TMEM63A: variants seen among roughly 807,000 people sequenced by gnomAD.
The protein encoded by TMEM63A is mechanosensitive cation channel TMEM63A.
TMEM63A carries 76 observed loss-of-function variants against 100.6 expected under a neutral mutation model. That is an observed-to-expected ratio of 0.76 (90% CI 0.63 to 0.91). The LOEUF (loss-of-function observed/expected upper bound fraction) is 0.91, where lower values mean the gene tolerates loss of function less well. TMEM63A is among the 40% of genes least tolerant of loss of function. The pLI is 0.00. For synonymous variants in TMEM63A, 401 were observed against 401.1 expected (o/e 1.00, Z 0.00); for missense variants, 876 against 1,008.8 (o/e 0.87, Z 1.78).
Position 225,856,900 on chromosome 1 carries a change from C to G in TMEM63A, c.1484+11G>C. On this transcript the variant is annotated intron_variant, in intron 16 of 24. Transcript: ENST00000366835. ...CTTAGGGGCAGGGCCTCGGGGCTCC[C>G]GGGCACTCACTTGGTCCAGTGAGAC... The G allele has an allele frequency of 6.2e-7, 1 of 1,608,892 alleles. No individual in the cohort carries two copies. Among genetic ancestry groups the G allele is most frequent in the Non-Finnish European group, 8.5e-7 (1 of 1,178,016 alleles).
At position 225,853,860 on chromosome 1, in the gene TMEM63A, C is replaced by G. The variant is rs186438755; in HGVS notation, c.1635-69G>C. On this transcript the variant is annotated intron_variant, in intron 18 of 24. Coordinates refer to ENST00000366835, the MANE Select transcript of TMEM63A (RefSeq NM_014698.3). The surrounding 1 kb of genome is among the most constrained non-coding windows in gnomAD (Gnocchi z 4.0). ...TGGAGGGAGAGGAGGGGCCCCTAGGCTGGGCAGGAGCAGAAAGCCCCTGGG... is the reference window on the plus strand; with the variant it reads ...TGGAGGGAGAGGAGGGGCCCCTAGGGTGGGCAGGAGCAGAAAGCCCCTGGG... The G allele has an allele frequency of 6.8e-7, 1 of 1,462,792 alleles. No homozygotes were observed. Among genetic ancestry groups the G allele is most frequent in the Non-Finnish European group, 9.1e-7 (1 of 1,102,198 alleles). The allele number at this position is 1,462,792 out of a possible 1,614,324, so 90.6% of individuals were successfully genotyped here.
At chr1:225,844,722 A>G, downstream of TMEM63A, 1 of 1,556,042 alleles carries the variant, frequency 6.4e-7, no homozygotes, top group South Asian at 1.2e-5. Context: ...TGGGATAAGT[A>G]TAGCCTTGCC....
chr1:225,876,699 AG>A (rs150719052), intron 3 of TMEM63A, among the ~76,000 whole-genome samples: 2,352 of 150,830 alleles, frequency 0.016, 60 homozygotes, highest in African/African-American at 0.054. Context: ...CACAGGCTGG[AG>A]TGCAGTGGCG....
chr1:225,863,342 C>T (rs1670038760), intron 10 of TMEM63A, among the ~76,000 whole-genome samples: 1 of 152,168 alleles, frequency 6.6e-6, no homozygotes, highest in South Asian at 2.1e-4. Context: ...TCACTGCACC[C>T]CGCTAGCCTT....
intron 21 of TMEM63A, 54 bp downstream of exon 21, chr1:225,849,858 G>C: frequency 6.3e-7 from 1 of 1,588,588 alleles, no homozygotes; most frequent in Non-Finnish European, 8.6e-7. Flanking sequence ...CTGGCTGGTG[G>C]GGATGCAGGG....
At chr1:225,870,444 GC>G (rs3841810) in intron 6 of TMEM63A, among the ~76,000 whole-genome samples, 137,541 of 150,278 alleles carry the variant, frequency 0.92, 62,888 homozygotes, top group African/African-American at 0.94. Context: ...ATCAGTCCCC[GC>G]CCCCCCCCGC....
intron 18 of TMEM63A, among the ~76,000 whole-genome samples, chr1:225,854,304 A>G (rs1160303494): frequency 1.3e-5 from 2 of 152,214 alleles, no homozygotes; most frequent in African/African-American, 4.8e-5. Context: ...GACAAGGCTG[A>G]AAGGGGCTGG....
At chr1:225,868,599 T>G (rs1196872486) in intron 6 of TMEM63A, among the ~76,000 whole-genome samples, 1 of 151,798 alleles carries the variant, frequency 6.6e-6, no homozygotes, top group Non-Finnish European at 1.5e-5. Context: ...GGCAGGAGAA[T>G]TGCTTGAACC....
chr1:225,861,500 A>G (rs1410976753), intron 13 of TMEM63A: 1 of 153,362 alleles, frequency 6.5e-6, no homozygotes, highest in Admixed American at 6.5e-5. Flanking sequence ...GGAGCCCAGC[A>G]GCCCCTCTAC....
chr1:225,869,412 TTGAC>T (rs1175344660), intron 6 of TMEM63A, among the ~76,000 whole-genome samples: 2 of 152,186 alleles, frequency 1.3e-5, no homozygotes. Flanking sequence ...CAGACCAGAG[TTGAC>T]TGTCTCCCAT....
At chr1:225,868,082 T>C (rs762755605) in intron 6 of TMEM63A, 52 bp from the exon 7 acceptor site, 1 of 1,603,840 alleles carries the variant, frequency 6.2e-7, no homozygotes, top group South Asian at 1.1e-5. Context: ...GCCTCGGGGC[T>C]CTGCATGAAG....
At chr1:225,848,658 C>CT in intron 22 of TMEM63A, 104 bp from the exon 23 acceptor site, 1 of 1,280,480 alleles carries the variant, frequency 7.8e-7, no homozygotes, top group South Asian at 1.3e-5. Flanking sequence ...ATAGTACCAG[C>CT]TGGCACCAAG....
At chr1:225,866,877 T>C in intron 8 of TMEM63A, 195 bp from the exon 9 acceptor site, 1 of 668,662 alleles carries the variant, frequency 1.5e-6, no homozygotes, top group Non-Finnish European at 2.6e-6. Flanking sequence ...TCCCCATCCC[T>C]GTCCTGACAA....
chr1:225,879,985 C>T (rs1020005624), intron 1 of TMEM63A, among the ~76,000 whole-genome samples: 1 of 97,164 alleles, frequency 1.0e-5, no homozygotes, highest in Non-Finnish European at 2.7e-5. Flanking sequence ...CTCGCCAGTG[C>T]TGCAGAGGAG....
At chr1:225,852,311 C>A (rs888839290) in intron 20 of TMEM63A, among the ~76,000 whole-genome samples, 2 of 152,148 alleles carry the variant, frequency 1.3e-5, no homozygotes, top group African/African-American at 4.8e-5. Flanking sequence ...ATGGTGAAAC[C>A]CCATCTCTAC....
At chr1:225,861,052 CAT>C in intron 13 of TMEM63A, 55 bp from the exon 14 acceptor site, 9 of 1,559,536 alleles carry the variant, frequency 5.8e-6, no homozygotes, top group Non-Finnish European at 7.8e-6. Flanking sequence ...ACCAAGCACA[CAT>C]GTGGCAAGTG....
At chr1:225,849,345 G>A (rs1011963902) in intron 21 of TMEM63A, among the ~76,000 whole-genome samples, 2 of 152,152 alleles carry the variant, frequency 1.3e-5, no homozygotes, top group East Asian at 3.9e-4. Context: ...GGCTAGAGAG[G>A]ATGGACCCTC....
At chr1:225,870,732 CAT>C (rs1177397980) in intron 6 of TMEM63A, among the ~76,000 whole-genome samples, 1 of 152,170 alleles carries the variant, frequency 6.6e-6, no homozygotes, top group Non-Finnish European at 1.5e-5. Context: ...GAGAGATGAA[CAT>C]ATGATTTCCA....
At chr1:225,880,744 T>C (rs1162541855) in intron 1 of TMEM63A, among the ~76,000 whole-genome samples, 2 of 152,160 alleles carry the variant, frequency 1.3e-5, no homozygotes, top group East Asian at 1.9e-4. Flanking sequence ...AAGCGTCTGA[T>C]TGTGGCCAGT....
Sources: allele counts gnomAD v4.1 joint callset (sites outside exome capture counted in the v4.1 genomes callset), GRCh38; gene constraint gnomAD v4.1.1; non-coding constraint Gnocchi (gnomAD v3.1); transcripts MANE v1.5; gene names NCBI Gene and HGNC (gene_info 2026-07-23, HGNC 2026-07-21).